Variants in WAPL observed in about 807,000 individuals in gnomAD.
WAPL encodes the protein WAPL cohesin release factor, also known as wings apart-like protein homolog.
Under a neutral mutation model 121.0 loss-of-function variants are expected in WAPL, and 5 were observed. The ratio of observed to expected loss-of-function variants is 0.04; its 90% CI spans 0.02 to 0.09. The LOEUF (loss-of-function observed/expected upper bound fraction) is 0.09, where lower values mean the gene tolerates loss of function less well. Ranked by LOEUF, WAPL falls within the 10% of genes least tolerant of loss-of-function variation. The pLI is 1.00. For synonymous variants in WAPL, 480 were observed against 481.5 expected (o/e 1.00, Z 0.04); for missense variants, 999 against 1,410.8 (o/e 0.71, Z 4.68).
chr10:86,472,713 C>G lies in WAPL; in HGVS notation c.1792G>C (p.Ala598Pro). 1.2e-6 allele frequency: 2 copies of G among 1,613,650 alleles called. No individual in the cohort carries two copies. The highest frequency in any genetic ancestry group is 1.3e-5 in the African/African-American group (1 of 75,002). ...ATCACTTTGGATGGTGGTGCAGGAG[C>G]CTTAAAAACTCCATCATCTTTTTGA... ...PNQKDDGVFK[A>P]PAPPSKVIKT... The change falls in exon 6 of 19, where the codon GCT becomes CCT. Residue 598 changes from alanine to proline, a missense_variant. Coordinates refer to ENST00000298767, the MANE Select transcript of WAPL (RefSeq NM_015045.5). This position sits in a 1 kb window ranked among gnomAD's most constrained non-coding sequence, Gnocchi z 4.2.
intron 12 of WAPL, 31 bp from the exon 13 acceptor site, chr10:86,453,862 A>G: frequency 6.9e-7 from 1 of 1,443,428 alleles, no homozygotes; most frequent in Non-Finnish European, 9.2e-7. Flanking sequence ...AGACTATTAT[A>G]GTAAATAATA....
At chr10:86,507,674 C>T (rs1406182906) in intron 2 of WAPL, among the ~76,000 whole-genome samples, 2 of 152,052 alleles carry the variant, frequency 1.3e-5, no homozygotes, top group Non-Finnish European at 2.9e-5. Flanking sequence ...TGCCGTATAT[C>T]CTAAAATGCT....
At chr10:86,478,250 GAAACTC>G (rs1221413409) in intron 4 of WAPL, among the ~76,000 whole-genome samples, 1 of 151,958 alleles carries the variant, frequency 6.6e-6, no homozygotes, top group Non-Finnish European at 1.5e-5. Flanking sequence ...GCAACACGGT[GAAACTC>G]AGTCTCTACA....
chr10:86,487,235 GTA>G (rs1841945894), intron 4 of WAPL, among the ~76,000 whole-genome samples: 3 of 151,988 alleles, frequency 2.0e-5, no homozygotes, highest in African/African-American at 7.2e-5. Context: ...AATAATCTAA[GTA>G]TATCAGCACA....
chr10:86,463,813 C>G lies in WAPL; in HGVS notation c.2371-2526G>C, dbSNP rs146694337. Among the ~76,000 whole-genome samples the G allele has an allele frequency of 7.7e-4, 118 of 152,272 alleles. 3 individuals are homozygous for G. The East Asian group carries it at 0.023, about 29-fold the overall frequency. Reference sequence around the variant, plus strand: ...TCTTTTATACCATATTTTTACTGTACCTTTTTTATGTTTAGATGCACAAAT... The same window carrying G: ...TCTTTTATACCATATTTTTACTGTAGCTTTTTTATGTTTAGATGCACAAAT... On this transcript the variant is annotated intron_variant, in intron 9 of 18. Transcript: ENST00000298767.
At chr10:86,446,587 G>A in intron 15 of WAPL, 138 bp from the exon 16 acceptor site, 1 of 1,009,422 alleles carries the variant, frequency 9.9e-7, no homozygotes, top group African/African-American at 1.6e-5. Flanking sequence ...GTGAGTATAA[G>A]TAAAAGCTTT....
At chr10:86,439,244 C>T (rs2132161401) in intron 17 of WAPL, among the ~76,000 whole-genome samples, 1 of 152,224 alleles carries the variant, frequency 6.6e-6, no homozygotes, top group South Asian at 2.1e-4. Flanking sequence ...ATGAATACAG[C>T]TTCAGAAAAG....
intron 9 of WAPL, chr10:86,467,039 C>T: frequency 2.3e-6 from 1 of 438,824 alleles, no homozygotes; most frequent in Non-Finnish European, 4.1e-6. Context: ...AAGGATTAGA[C>T]AAAATGCAAC....
rs1406599702 is a variant in WAPL, at chr10:86,517,597, C to G, written c.473G>C (p.Ser158Thr). The G allele has an allele frequency of 1.2e-6, 2 of 1,612,274 alleles. No individual in the cohort carries two copies. Among genetic ancestry groups the G allele is most frequent in the Non-Finnish European group, 1.7e-6 (2 of 1,178,934 alleles). The change falls in exon 2 of 19, where the codon AGT (serine) becomes ACT (threonine). Residue 158 changes from serine (S) to threonine (T), a missense_variant. Around this residue, in one of 7 missense-constraint regions of WAPL, gnomAD observed 531 missense variants for 563.1 expected, o/e 0.94. Transcript: ENST00000298767. ...NRIVEDDASI[S>T]SCNKLITSDK... ...TGAAGTTATTAATTTATTACAGCTA[C>G]TTATGCTTGCATCATCTTCTACAAT...
intron 15 of WAPL, among the ~76,000 whole-genome samples, chr10:86,446,997 AAACT>A (rs1849638640): frequency 6.6e-6 from 1 of 152,328 alleles, no homozygotes; most frequent in Admixed American, 6.5e-5. Flanking sequence ...AATAAAAATT[AAACT>A]TTATAGAGAG....
At chr10:86,455,722 A>G (rs1030586286) in intron 12 of WAPL, among the ~76,000 whole-genome samples, 3 of 143,526 alleles carry the variant, frequency 2.1e-5, no homozygotes, top group South Asian at 2.2e-4. Flanking sequence ...AAAGAAAAAA[A>G]GAAAACAAAT....
intron 17 of WAPL, 38 bp from the exon 18 acceptor site, chr10:86,438,053 GA>G: frequency 6.8e-7 from 1 of 1,476,508 alleles, no homozygotes. Flanking sequence ...TCAGCTGGCA[GA>G]AAACATGAGA....
chr10:86,470,084 G>C (rs1191140777), intron 8 of WAPL, among the ~76,000 whole-genome samples: 2 of 151,440 alleles, frequency 1.3e-5, no homozygotes, highest in African/African-American at 4.9e-5. Flanking sequence ...CCAGGCTGGA[G>C]TGCAGTGGCA....
intron 15 of WAPL, among the ~76,000 whole-genome samples, chr10:86,448,062 AAAAAG>A (rs1481152824): frequency 1.6e-4 from 25 of 152,194 alleles, no homozygotes; most frequent in African/African-American, 6.0e-4. Context: ...AAAATTTAAA[AAAAAG>A]AAAAGTATGG....
chr10:86,473,275 G>A (rs1841574984), intron 5 of WAPL, among the ~76,000 whole-genome samples: 1 of 152,112 alleles, frequency 6.6e-6, no homozygotes. Flanking sequence ...ACAGGGAACT[G>A]TACATTATAC....
chr10:86,452,804 C>G (rs1841021336), intron 14 of WAPL, among the ~76,000 whole-genome samples: 1 of 151,834 alleles, frequency 6.6e-6, no homozygotes. Context: ...CTTTGGGAGG[C>G]TGAGGCGGGC....
chr10:86,504,313 ATATT>A (rs1276968325), intron 2 of WAPL, among the ~76,000 whole-genome samples: 10 of 63,066 alleles, frequency 1.6e-4, no homozygotes, highest in African/African-American at 6.1e-4. Context: ...AAGCTGAACT[ATATT>A]TATATAAGCC....
chr10:86,444,567 T>C (rs1849555416), intron 16 of WAPL, among the ~76,000 whole-genome samples: 1 of 152,160 alleles, frequency 6.6e-6, no homozygotes, highest in Non-Finnish European at 1.5e-5. Flanking sequence ...AAGCCAGTCA[T>C]AAAAGGCAAC....
At chr10:86,459,517 A>C (rs1292534327) in intron 11 of WAPL, among the ~76,000 whole-genome samples, 1 of 152,220 alleles carries the variant, frequency 6.6e-6, no homozygotes, top group African/African-American at 2.4e-5. Context: ...TACTACTTTT[A>C]AAATAACCTG....
Sources: gnomAD v4.1 joint callset for allele counts (sites outside exome capture counted in the v4.1 genomes callset) on GRCh38, gnomAD v4.1.1 for gene constraint, gnomAD v4.1.1 regional missense constraint, Gnocchi (gnomAD v3.1) non-coding constraint, MANE v1.5 for transcripts, NCBI Gene and HGNC (gene_info 2026-07-23, HGNC 2026-07-21) for gene names.